PTPRD: variants seen among roughly 807,000 people sequenced by gnomAD.
The protein encoded by PTPRD is receptor-type tyrosine-protein phosphatase delta.
A neutral mutation model predicts 214.5 loss-of-function variants in PTPRD; 34 were observed. The ratio of observed to expected loss-of-function variants is 0.16; its 90% CI spans 0.12 to 0.21. PTPRD has a LOEUF of 0.21. Ranked by LOEUF, PTPRD falls within the 10% of genes least tolerant of loss-of-function variation. The probability of loss-of-function intolerance (pLI) is 1.00; values close to 1 mark genes in which losing one functional copy is unlikely to be tolerated. For missense variants in PTPRD, 2,545 were observed against 2,398.7 expected (o/e 1.06, Z -1.27); for synonymous variants, 1,128 against 845.7 (o/e 1.33, Z -5.79).
intron 11 of PTPRD, among the ~76,000 whole-genome samples, chr9:8,967,995 C>T (rs539211619): frequency 2.6e-5 from 4 of 152,078 alleles, no homozygotes; most frequent in Non-Finnish European, 5.9e-5. Context: ...TGAGTGAGAA[C>T]ATGTGGTGTT....
intron 10 of PTPRD, among the ~76,000 whole-genome samples, chr9:9,054,483 C>G (rs2099692579): frequency 6.6e-6 from 1 of 152,024 alleles, no homozygotes; most frequent in Non-Finnish European, 1.5e-5. Context: ...TATGATGATT[C>G]CTACATCTAG....
At chr9:10,422,362 G>T (rs893481493) in intron 2 of PTPRD, among the ~76,000 whole-genome samples, 1 of 151,950 alleles carries the variant, frequency 6.6e-6, no homozygotes, top group African/African-American at 2.4e-5. Flanking sequence ...AACCATACAG[G>T]AAAACCTAGG....
chr9:8,331,821 T>TAGAACAA lies in PTPRD; in HGVS notation c.5380-86_5380-85insTTGTTCT, dbSNP rs1189124060. 4 of 1,429,396 alleles carry TAGAACAA rather than the reference T, an allele frequency of 2.8e-6. No individual in the cohort carries two copies. The African/African-American group carries it at 8.3e-5, about 30-fold the overall frequency. 88.5% of individuals were successfully genotyped at this position (1,429,396 alleles called of 1,614,324 possible). On this transcript the variant is annotated intron_variant, in intron 43 of 45. Transcript: ENST00000381196. ...CATACGGACCACAAGAACAATCATT[T>TAGAACAA]TCATTTCCCGAAAACAAAAAGGGTA...
chr9:10,096,819 C>T (rs1036440043), intron 3 of PTPRD, among the ~76,000 whole-genome samples: 15 of 151,982 alleles, frequency 9.9e-5, no homozygotes, highest in African/African-American at 3.4e-4. Context: ...TTGCCCATGC[C>T]TATGTCCTGA....
rs114777129 is a variant in PTPRD, at chr9:9,974,615, C to T, written c.-471-36005G>A. Among the ~76,000 whole-genome samples the T allele has an allele frequency of 3.6e-3, 551 of 152,284 alleles. 4 individuals carry two copies. The highest frequency in any genetic ancestry group is 0.024 in the South Asian group (118 of 4,828). ...CTAATTTCCGGATAAATTTCCTAGG[C>T]TGAGTGTTTCTCTCTGAAGCTTCCG... On this transcript the variant is annotated intron_variant, in intron 4 of 45. Transcript: ENST00000381196.
intron 8 of PTPRD, among the ~76,000 whole-genome samples, chr9:9,558,605 C>A (rs930102789): frequency 3.9e-5 from 6 of 152,202 alleles, no homozygotes; most frequent in African/African-American, 1.2e-4. Flanking sequence ...CTGTTACATA[C>A]ATAAGCGTTG....
At chr9:9,132,644 T>A (rs1569550227) in intron 10 of PTPRD, among the ~76,000 whole-genome samples, 2 of 151,706 alleles carry the variant, frequency 1.3e-5, no homozygotes, top group Non-Finnish European at 1.5e-5. Context: ...TCTTTCTAAT[T>A]TAATTAAAAG....
At chr9:8,731,040 A>G (rs934709377) in intron 12 of PTPRD, among the ~76,000 whole-genome samples, 3 of 152,212 alleles carry the variant, frequency 2.0e-5, no homozygotes, top group African/African-American at 7.2e-5. Context: ...CAAAGACTAT[A>G]ATTTTCTGCT....
intron 11 of PTPRD, among the ~76,000 whole-genome samples, chr9:8,748,286 G>A (rs1442543638): frequency 2.6e-5 from 4 of 152,050 alleles, no homozygotes; most frequent in East Asian, 1.9e-4. Flanking sequence ...TAAACACGGG[G>A]CTTGCAACTT....
At chr9:8,548,613 T>C (rs1182226999) in intron 14 of PTPRD, among the ~76,000 whole-genome samples, 2 of 148,800 alleles carry the variant, frequency 1.3e-5, no homozygotes, top group Non-Finnish European at 3.0e-5. Flanking sequence ...AGTGATCCAC[T>C]TGCCTCGTCC....
intron 3 of PTPRD, among the ~76,000 whole-genome samples, chr9:10,223,713 A>AATAATT (rs1364504120): frequency 2.1e-5 from 3 of 146,078 alleles, no homozygotes; most frequent in Non-Finnish European, 4.5e-5. Flanking sequence ...TAATAATAAT[A>AATAATT]AAGTAGAGTA....
intron 3 of PTPRD, among the ~76,000 whole-genome samples, chr9:10,051,408 CATG>C (rs1172422137): frequency 6.6e-6 from 1 of 152,010 alleles, no homozygotes; most frequent in Non-Finnish European, 1.5e-5. Flanking sequence ...TTTTTTCCTC[CATG>C]ATATCTGTGA....
chr9:9,259,836 G>T (rs1225072682), intron 9 of PTPRD, among the ~76,000 whole-genome samples: 1 of 151,846 alleles, frequency 6.6e-6, no homozygotes, highest in African/African-American at 2.4e-5. Flanking sequence ...CTGACCTAAG[G>T]TCCCAACAAA....
At chr9:10,268,485 C>T (rs1257240694) in intron 3 of PTPRD, among the ~76,000 whole-genome samples, 1 of 151,928 alleles carries the variant, frequency 6.6e-6, no homozygotes, top group Non-Finnish European at 1.5e-5. Flanking sequence ...CTCTAAAGTG[C>T]TCCTTAGTTT....
intron 5 of PTPRD, among the ~76,000 whole-genome samples, chr9:9,801,977 A>C (rs1565376531): frequency 6.6e-6 from 1 of 152,102 alleles, no homozygotes; most frequent in Non-Finnish European, 1.5e-5. Flanking sequence ...GATAATTTTC[A>C]AAATTCAAGG....
intron 2 of PTPRD, among the ~76,000 whole-genome samples, chr9:10,399,953 G>C (rs2154495177): frequency 1.3e-5 from 2 of 151,862 alleles, no homozygotes; most frequent in South Asian, 4.2e-4. Context: ...TGTTGGCAAT[G>C]GGAAACCATA....
chr9:8,737,084 G>A (rs1201334837), intron 11 of PTPRD, among the ~76,000 whole-genome samples: 1 of 152,152 alleles, frequency 6.6e-6, no homozygotes, highest in East Asian at 1.9e-4. Flanking sequence ...ACCTATGAAT[G>A]CTCACTCAGG....
At chr9:10,531,634 C>T (rs556993673) in intron 2 of PTPRD, among the ~76,000 whole-genome samples, 1 of 152,230 alleles carries the variant, frequency 6.6e-6, no homozygotes, top group Non-Finnish European at 1.5e-5. Flanking sequence ...ACATTGGATA[C>T]AAAGTTGTAA....
At chr9:10,177,810 T>C (rs915815942) in intron 3 of PTPRD, among the ~76,000 whole-genome samples, 1 of 151,994 alleles carries the variant, frequency 6.6e-6, no homozygotes, top group Admixed American at 6.6e-5. Flanking sequence ...GACTCATCTG[T>C]AAATTTCAAG....
Sources: gnomAD v4.1 joint callset for allele counts (sites outside exome capture counted in the v4.1 genomes callset) on GRCh38, gnomAD v4.1.1 for gene constraint, MANE v1.5 for transcripts, NCBI Gene and HGNC (gene_info 2026-07-23, HGNC 2026-07-21) for gene names.